ADGRB3: variants seen among roughly 807,000 people sequenced by gnomAD.
ADGRB3 encodes the protein adhesion G protein-coupled receptor B3.
A neutral mutation model predicts 193.4 loss-of-function variants in ADGRB3; 37 were observed. That is an observed-to-expected ratio of 0.19 (90% CI 0.15 to 0.25). ADGRB3 has a LOEUF of 0.25. Ranked by LOEUF, ADGRB3 falls within the 10% of genes least tolerant of loss-of-function variation. The pLI, the probability that ADGRB3 is intolerant of heterozygous loss-of-function variation, is 1.00. For missense variants in ADGRB3, 1,637 were observed against 1,852.9 expected, an observed-to-expected ratio of 0.88 and a Z score of 2.14; for synonymous variants, 690 against 644.2, an observed-to-expected ratio of 1.07 and a Z score of -1.08.
chr6:69,266,094 A>G (rs555919481), intron 20 of ADGRB3, among the ~76,000 whole-genome samples: 7 of 152,144 alleles, frequency 4.6e-5, no homozygotes, highest in South Asian at 4.1e-4. Context: ...TTTTATGTCA[A>G]TAAGTTTTAT....
intron 17 of ADGRB3, among the ~76,000 whole-genome samples, chr6:69,197,829 G>C (rs973353535): frequency 1.3e-5 from 2 of 152,064 alleles, no homozygotes; most frequent in Non-Finnish European, 2.9e-5. Context: ...GATTCATGAA[G>C]TATTTTGCAA....
At chr6:69,001,385 G>A (rs1489188546) in intron 11 of ADGRB3, among the ~76,000 whole-genome samples, 1 of 152,224 alleles carries the variant, frequency 6.6e-6, no homozygotes, top group African/African-American at 2.4e-5. Context: ...CAGGAAAGTT[G>A]AGGCCACATA....
At chr6:68,966,242 C>T (rs952250766) in intron 8 of ADGRB3, among the ~76,000 whole-genome samples, 3 of 152,100 alleles carry the variant, frequency 2.0e-5, no homozygotes, top group Non-Finnish European at 4.4e-5. Context: ...TATGATTCTT[C>T]ATCCCTTCCC....
chr6:68,900,849 G>GT (rs2150233032), intron 3 of ADGRB3, among the ~76,000 whole-genome samples: 1 of 152,158 alleles, frequency 6.6e-6, no homozygotes, highest in South Asian at 2.1e-4. Flanking sequence ...TACTTACTCT[G>GT]TATATGAATT....
At chr6:68,776,741 A>C (rs1766755261) in intron 3 of ADGRB3, among the ~76,000 whole-genome samples, 1 of 152,158 alleles carries the variant, frequency 6.6e-6, no homozygotes, top group Non-Finnish European at 1.5e-5. Flanking sequence ...GAAAAATGAT[A>C]TTGCAGATTA....
chr6:68,765,215 A>G (rs1766486185), intron 3 of ADGRB3, among the ~76,000 whole-genome samples: 2 of 152,154 alleles, frequency 1.3e-5, no homozygotes, highest in Non-Finnish European at 2.9e-5. Context: ...AATGTTGAAT[A>G]GCAAAATCAA....
chr6:69,232,214 A>G (rs2127256484), intron 17 of ADGRB3, among the ~76,000 whole-genome samples: 1 of 152,284 alleles, frequency 6.6e-6, no homozygotes, highest in East Asian at 1.9e-4. Flanking sequence ...CAATTGGTGC[A>G]TTCAGTACAG....
chr6:69,232,411 C>T (rs1766163765), intron 17 of ADGRB3: 2 of 1,460,164 alleles, frequency 1.4e-6, no homozygotes, highest in Non-Finnish European at 1.8e-6. Flanking sequence ...AAACCATATG[C>T]TTTAGCATTT....
At position 68,956,087 on chromosome 6, in the gene ADGRB3, C is replaced by A. The variant is rs751146352; in HGVS notation, c.1259C>A (p.Thr420Asn). The change falls in exon 7 of 32, where the codon ACT (threonine) becomes AAT (asparagine). Residue 420 changes from threonine (T) to asparagine (N), a missense_variant. By Grantham distance (65) the Thr-to-Asn change is moderately conservative. Around this residue, in one of 7 missense-constraint regions of ADGRB3, gnomAD observed 641 missense variants for 673.9 expected, o/e 0.95. Transcript: ENST00000370598. ...TGCTCAGTAACGTGCTCGAATGGGA[C>A]TCAGCAGAGAAGCCGGCAGTGCACT... ...SQCSVTCSNG[T>N]QQRSRQCTAA... is the part of the protein sequence containing the mutation. 6.2e-7 allele frequency: 1 copy of A among 1,613,982 alleles called. No individual in the cohort carries two copies. The highest frequency in any genetic ancestry group is 8.5e-7 in the Non-Finnish European group (1 of 1,179,974).
intron 17 of ADGRB3, among the ~76,000 whole-genome samples, chr6:69,203,018 T>C (rs1398136533): frequency 6.6e-6 from 1 of 151,948 alleles, no homozygotes; most frequent in Non-Finnish European, 1.5e-5. Flanking sequence ...TATGTGAAAA[T>C]TAAAACCATG....
chr6:69,157,328 G>C (rs1582506030), intron 17 of ADGRB3, among the ~76,000 whole-genome samples: 1 of 152,324 alleles, frequency 6.6e-6, no homozygotes, highest in East Asian at 1.9e-4. Context: ...GGACATAGGT[G>C]TTTGGGGAGC....
intron 5 of ADGRB3, 53 bp from the exon 6 acceptor site, chr6:68,943,777 C>A: frequency 7.0e-7 from 1 of 1,434,218 alleles, no homozygotes; most frequent in South Asian, 1.7e-5. Flanking sequence ...AGAAAATGAT[C>A]TTTGATTTTA....
intron 3 of ADGRB3, among the ~76,000 whole-genome samples, chr6:68,751,842 T>C (rs1191200489): frequency 6.6e-6 from 1 of 152,202 alleles, no homozygotes; most frequent in Non-Finnish European, 1.5e-5. Context: ...TGGTTATTTA[T>C]TGAGCATAAA....
rs1236492289 is a variant in ADGRB3 at position 69,351,560 on chromosome 6, CT to C, written c.3460-2672del. Among the ~76,000 whole-genome samples, 18 of 152,122 alleles carry C rather than the reference CT, an allele frequency of 1.2e-4. 1 individual carries two copies. Among genetic ancestry groups the C allele is most frequent in the African/African-American group, 4.3e-4 (18 of 41,410 alleles). On this transcript the variant is annotated intron_variant, in intron 26 of 31. Transcript: ENST00000370598. ...GACCATTAAAATGACCTTGAATTTA[CT>C]GGAGAATATTTATTCTTTTTTGATT...
chr6:69,319,322 G>T (rs1463593035), intron 20 of ADGRB3, among the ~76,000 whole-genome samples: 1 of 151,168 alleles, frequency 6.6e-6, no homozygotes, highest in Non-Finnish European at 1.5e-5. Flanking sequence ...ATTGTGGTCT[G>T]TGAAAATGTC....
intron 6 of ADGRB3, among the ~76,000 whole-genome samples, chr6:68,946,226 A>T (rs1767771593): frequency 6.6e-6 from 1 of 152,116 alleles, no homozygotes; most frequent in African/African-American, 2.4e-5. Flanking sequence ...TGCCAAAAAA[A>T]TCGACGTTAT....
chr6:69,207,872 T>C (rs1486772101), intron 17 of ADGRB3, among the ~76,000 whole-genome samples: 1 of 152,124 alleles, frequency 6.6e-6, no homozygotes, highest in African/African-American at 2.4e-5. Flanking sequence ...AGTCCACAGA[T>C]GGTAGTCTTG....
intron 3 of ADGRB3, among the ~76,000 whole-genome samples, chr6:68,807,384 GC>G (rs576983774): frequency 4.2e-4 from 64 of 151,468 alleles, no homozygotes; most frequent in African/African-American, 1.5e-3. Flanking sequence ...GACTACAGGC[GC>G]CCCCCACCTT....
At chr6:68,846,662 G>A (rs1222752424) in intron 3 of ADGRB3, among the ~76,000 whole-genome samples, 1 of 152,216 alleles carries the variant, frequency 6.6e-6, no homozygotes, top group East Asian at 1.9e-4. Context: ...CAGAAGTCAA[G>A]AATTGAGGTT....
Sources: allele counts gnomAD v4.1 joint callset (sites outside exome capture counted in the v4.1 genomes callset), GRCh38; gene constraint gnomAD v4.1.1; regional missense constraint gnomAD v4.1.1; transcripts MANE v1.5; gene names NCBI Gene and HGNC (gene_info 2026-07-23, HGNC 2026-07-21).